Variants in ARMC8 observed in about 807,000 individuals in gnomAD.
ARMC8 encodes armadillo repeat-containing protein 8.
Under a neutral mutation model 99.3 loss-of-function variants are expected in ARMC8, and 20 were observed. That is an observed-to-expected ratio of 0.20 (90% CI 0.14 to 0.29). The LOEUF is 0.29. Among genes scored for constraint, ARMC8 ranks in the 10% least tolerant of loss-of-function variants. The probability of loss-of-function intolerance (pLI) is 1.00; values close to 1 mark genes in which losing one functional copy is unlikely to be tolerated. For missense variants in ARMC8, 569 were observed against 809.5 expected (o/e 0.70, Z 3.60); for synonymous variants, 263 against 278.3 (o/e 0.95, Z 0.55).
At chr3:138,250,286 G>T (rs1015795251) in intron 12 of ARMC8, among the ~76,000 whole-genome samples, 2 of 151,828 alleles carry the variant, frequency 1.3e-5, no homozygotes, top group African/African-American at 4.8e-5. Flanking sequence ...CTCAATAAAT[G>T]GAAGCATTTA....
At position 138,264,489 on chromosome 3, in the gene ARMC8, G is replaced by A. The variant is rs141005900; in HGVS notation, c.1299+277G>A. On this transcript the variant is annotated intron_variant, in intron 14 of 21. Transcript: ENST00000469044. ...GGCTGGAGTGCAGTGGCATGATCTT[G>A]GCTCACTGCAACCTCCACCTCCCCG... Among the ~76,000 whole-genome samples the A allele has an allele frequency of 2.7e-4, 38 of 139,404 alleles. No individual in the cohort carries two copies. In the East Asian group the frequency reaches 5.1e-3, roughly 19 times the overall value. 91.5% of individuals were successfully genotyped at this position (139,404 alleles called of 152,430 possible). A position where few individuals can be genotyped will look rare whatever the true frequency, so the allele number is the denominator to read the frequency against.
At position 138,228,919 on chromosome 3, in the gene ARMC8, A is replaced by G. The variant is rs766803446; in HGVS notation, c.437A>G (p.Asp146Gly). 1 of 1,603,358 alleles carries G rather than the reference A, an allele frequency of 6.2e-7. No individual in the cohort carries two copies. The highest frequency in any genetic ancestry group is 8.5e-7 in the Non-Finnish European group (1 of 1,172,616). The stretch of plus-strand genomic sequence containing the variant: ...TGTTGCTGTGTTCTCCTTCCCTAGG[A>G]TGCCACAGTGATACCACACCTCATG... ...PVTPEELLYT[D>G]ATVIPHLMAL... Residue 146 changes from aspartate (D) to glycine (G), a missense_variant and splice_region_variant, in exon 6 of 22, where the codon GAT becomes GGT. Physicochemically the swap from Asp to Gly is moderately conservative, Grantham distance 94. Transcript: ENST00000469044.
intron 12 of ARMC8, among the ~76,000 whole-genome samples, chr3:138,252,579 A>G (rs915257873): frequency 6.8e-6 from 1 of 147,828 alleles, no homozygotes; most frequent in African/African-American, 2.5e-5. Flanking sequence ...TCAGCCTCCC[A>G]AGTAGCTGAG....
At chr3:138,260,091 A>G (rs1238544511) in intron 12 of ARMC8, among the ~76,000 whole-genome samples, 1 of 152,238 alleles carries the variant, frequency 6.6e-6, no homozygotes, top group Admixed American at 6.5e-5. Context: ...TTGAGTTTCA[A>G]AACCATGCCT....
At position 138,257,296 on chromosome 3, in the gene ARMC8, T is replaced by G. The variant is rs569256801; in HGVS notation, c.1135-6443T>G. Among the ~76,000 whole-genome samples, 6 of 152,328 alleles carry G rather than the reference T, an allele frequency of 3.9e-5. No homozygotes were observed. In the East Asian group the frequency reaches 1.2e-3, roughly 29 times the overall value. On this transcript the variant is annotated intron_variant, in intron 12 of 21. Coordinates refer to ENST00000469044, the MANE Select transcript of ARMC8 (RefSeq NM_001363941.2). ...TTGGTTTGTTTTTGTTTTGCTTTAC[T>G]TTGTTTTAATAAAGGAGAAATGGTA... is the stretch of plus-strand genomic sequence containing the variant.
intron 14 of ARMC8, among the ~76,000 whole-genome samples, chr3:138,266,542 A>G (rs114354482): frequency 0.016 from 2,442 of 152,242 alleles, 32 homozygotes; most frequent in Middle Eastern, 0.024. Context: ...ATTATTCACT[A>G]TATCACATTT....
chr3:138,272,947 A>G lies in ARMC8; in HGVS notation c.1480-20A>G, dbSNP rs760137533. ...AAGTAAATGTAGACATGATTCTTGCAACTTCTTTAATCCTTTCAGAATATG... is the reference window on the plus strand; with the variant it reads ...AAGTAAATGTAGACATGATTCTTGCGACTTCTTTAATCCTTTCAGAATATG... On this transcript the variant is annotated intron_variant, in intron 16 of 21. Coordinates refer to ENST00000469044, the MANE Select transcript of ARMC8 (RefSeq NM_001363941.2). 2 of 1,512,108 alleles carry G rather than the reference A, an allele frequency of 1.3e-6. No homozygotes were observed. Among genetic ancestry groups the G allele is most frequent in the East Asian group, 4.7e-5 (2 of 42,730 alleles). The allele number at this position is 1,512,108 out of a possible 1,614,324, so 93.7% of individuals were successfully genotyped here.
At chr3:138,209,457 A>T (rs970159649) in intron 1 of ARMC8, among the ~76,000 whole-genome samples, 37 of 152,190 alleles carry the variant, frequency 2.4e-4, no homozygotes, top group African/African-American at 8.7e-4. Flanking sequence ...CTTCTGAATG[A>T]ACAAAGTGAT....
intron 3 of ARMC8, 94 bp from the exon 4 acceptor site, chr3:138,223,295 A>G: frequency 8.9e-7 from 1 of 1,127,638 alleles, no homozygotes; most frequent in East Asian, 2.5e-5. Flanking sequence ...AGCCAACCAT[A>G]TTTTTAGTAT....
At chr3:138,277,282 A>C (rs1242997333) in intron 18 of ARMC8, among the ~76,000 whole-genome samples, 1 of 152,222 alleles carries the variant, frequency 6.6e-6, no homozygotes, top group African/African-American at 2.4e-5. Flanking sequence ...ACATAACATA[A>C]AAGGTAAAAC....
intron 2 of ARMC8, among the ~76,000 whole-genome samples, chr3:138,218,373 A>C (rs2045202122): frequency 6.6e-6 from 1 of 151,974 alleles, no homozygotes; most frequent in African/African-American, 2.4e-5. Context: ...ATCTCCCTTT[A>C]GTTTGTCTCA....
At chr3:138,235,869 G>A (rs1039663186) in intron 7 of ARMC8, among the ~76,000 whole-genome samples, 1 of 138,320 alleles carries the variant, frequency 7.2e-6, no homozygotes, top group South Asian at 2.3e-4. Context: ...GCGGTTGCAC[G>A]ATCTTGGCTC....
intron 2 of ARMC8, among the ~76,000 whole-genome samples, chr3:138,221,338 G>C (rs1023875637): frequency 2.0e-5 from 3 of 152,148 alleles, no homozygotes; most frequent in Non-Finnish European, 4.4e-5. Context: ...GAATGGGAAA[G>C]TGGAAATACA....
At chr3:138,188,935 T>TTAGCCTGTTAC (rs2043225774) in intron 1 of ARMC8, among the ~76,000 whole-genome samples, 1 of 152,238 alleles carries the variant, frequency 6.6e-6, no homozygotes, top group Non-Finnish European at 1.5e-5. Context: ...TTAGATCAGA[T>TTAGCCTGTTAC]TAGCCTGTTA....
At chr3:138,240,076 A>T (rs972343212) in intron 10 of ARMC8, among the ~76,000 whole-genome samples, 18 of 151,956 alleles carry the variant, frequency 1.2e-4, no homozygotes, top group African/African-American at 4.1e-4. Context: ...TGGTTTTAGC[A>T]CTCCCACCTC....
intron 5 of ARMC8, among the ~76,000 whole-genome samples, chr3:138,228,239 C>T (rs993535231): frequency 6.6e-6 from 1 of 152,262 alleles, no homozygotes; most frequent in African/African-American, 2.4e-5. Context: ...CTTGGCCTCC[C>T]AAAGTGCTGG....
At chr3:138,247,005 T>C in intron 12 of ARMC8, 1 of 343,186 alleles carries the variant, frequency 2.9e-6, no homozygotes, top group Non-Finnish European at 4.1e-6. Context: ...TTACAGTTCA[T>C]AGTAACTACT....
intron 6 of ARMC8, among the ~76,000 whole-genome samples, chr3:138,231,441 AGG>A (rs959929788): frequency 2.0e-5 from 3 of 152,136 alleles, no homozygotes; most frequent in African/African-American, 7.2e-5. Context: ...GGAGGGAAAA[AGG>A]GAGAGCTCAC....
At chr3:138,240,589 A>G (rs2046563200) in intron 10 of ARMC8, among the ~76,000 whole-genome samples, 1 of 152,218 alleles carries the variant, frequency 6.6e-6, no homozygotes, top group African/African-American at 2.4e-5. Flanking sequence ...TGTTAGGGAA[A>G]AAAGAATAGG....
Sources: gnomAD v4.1 joint callset for allele counts (sites outside exome capture counted in the v4.1 genomes callset) on GRCh38, gnomAD v4.1.1 for gene constraint, MANE v1.5 for transcripts, NCBI Gene and HGNC (gene_info 2026-07-23, HGNC 2026-07-21) for gene names.